Variants in RAP1GAP2 observed in about 807,000 individuals in gnomAD.
RAP1GAP2 encodes the protein RAP1 GTPase activating protein 2.
A neutral mutation model predicts 95.0 loss-of-function variants in RAP1GAP2; 27 were observed. That is an observed-to-expected ratio of 0.28 (90% CI 0.21 to 0.39). RAP1GAP2 has a LOEUF of 0.39. Ranked by LOEUF, RAP1GAP2 falls within the 10% of genes least tolerant of loss-of-function variation. The pLI, the probability that RAP1GAP2 is intolerant of heterozygous loss-of-function variation, is 1.00. For missense variants in RAP1GAP2, 771 were observed against 970.0 expected, an observed-to-expected ratio of 0.79 and a Z score of 2.72; for synonymous variants, 373 against 380.9, an observed-to-expected ratio of 0.98 and a Z score of 0.24.
chr17:2,983,138 C>T (rs2045430060), intron 10 of RAP1GAP2, among the ~76,000 whole-genome samples: 1 of 152,222 alleles, frequency 6.6e-6, no homozygotes, highest in Non-Finnish European at 1.5e-5. Flanking sequence ...TGTGTGGCAA[C>T]CTCACACAGG....
At chr17:2,814,217 G>A (rs1204138344) in intron 2 of RAP1GAP2, among the ~76,000 whole-genome samples, 1 of 152,128 alleles carries the variant, frequency 6.6e-6, no homozygotes, top group Non-Finnish European at 1.5e-5. Context: ...TACCAGCTGG[G>A]TGACCTTGGA....
At chr17:2,865,175 A>G (rs1411536486) in intron 2 of RAP1GAP2, among the ~76,000 whole-genome samples, 2 of 151,780 alleles carry the variant, frequency 1.3e-5, no homozygotes, top group African/African-American at 2.4e-5. Flanking sequence ...GGTACTTAAC[A>G]CCCCCGTGCT....
chr17:2,782,077 G>T (rs2068675454), intron 1 of RAP1GAP2, among the ~76,000 whole-genome samples: 1 of 152,218 alleles, frequency 6.6e-6, no homozygotes, highest in Non-Finnish European at 1.5e-5. Context: ...TGGATGGCAG[G>T]TGATACTTTT....
Position 3,008,746 on chromosome 17 carries a change from G to A in RAP1GAP2, c.1494+601G>A, listed in dbSNP as rs989248033. ...TTCAAGTGGAGCTCGGACGGCCCCC[G>A]AGCTGGCGTGTGGTAGAGGTTTTTC... On this transcript the variant is annotated intron_variant, in intron 17 of 24. Transcript: ENST00000254695. The surrounding 1 kb of genome is among the most constrained non-coding windows in gnomAD (Gnocchi z 4.2). Among the ~76,000 whole-genome samples, 2 of 152,188 alleles carry A rather than the reference G, an allele frequency of 1.3e-5. No individual in the cohort carries two copies. The highest frequency in any genetic ancestry group is 6.5e-5 in the Admixed American group (1 of 15,284).
chr17:2,832,298 C>T (rs1348272007), intron 2 of RAP1GAP2, among the ~76,000 whole-genome samples: 1 of 151,624 alleles, frequency 6.6e-6, no homozygotes, highest in African/African-American at 2.4e-5. Context: ...GTGGCTCATG[C>T]CTGTAATCCC....
At chr17:2,775,980 A>G (rs2068489759), upstream of RAP1GAP2, among the ~76,000 whole-genome samples, 1 of 152,176 alleles carries the variant, frequency 6.6e-6, no homozygotes. Context: ...GGAGTTTGAG[A>G]CCAGCCTGGC....
intron 8 of RAP1GAP2, among the ~76,000 whole-genome samples, chr17:2,978,997 T>TA (rs201886732): frequency 6.2e-4 from 87 of 139,944 alleles, no homozygotes; most frequent in Non-Finnish European, 9.3e-4. Context: ...GATAAATAAA[T>TA]AAAAAAAATA....
intron 2 of RAP1GAP2, among the ~76,000 whole-genome samples, chr17:2,808,748 G>C (rs549838531): frequency 6.6e-6 from 1 of 152,208 alleles, no homozygotes; most frequent in African/African-American, 2.4e-5. Context: ...ACTCTGGTTC[G>C]TTGATTTCTT....
intron 16 of RAP1GAP2, among the ~76,000 whole-genome samples, chr17:3,006,512 C>A (rs1339005127): frequency 6.7e-6 from 1 of 150,076 alleles, no homozygotes; most frequent in Non-Finnish European, 1.5e-5. Flanking sequence ...TGGCTCACTG[C>A]AAGCTCTGCC....
rs191667915 is a variant in RAP1GAP2 at position 2,805,479 on chromosome 17, C to T, written c.80+4929C>T. On this transcript the variant is annotated intron_variant, in intron 2 of 24. Coordinates refer to ENST00000254695, the MANE Select transcript of RAP1GAP2 (RefSeq NM_015085.5). Reference sequence around the variant, plus strand: ...CAAGCGATTCTCCCACCTCAGCTTCCCAAGTAGCTGGGATTACAGGTGTGC... The same window carrying T: ...CAAGCGATTCTCCCACCTCAGCTTCTCAAGTAGCTGGGATTACAGGTGTGC... Among the ~76,000 whole-genome samples the T allele has an allele frequency of 2.1e-3, 316 of 152,264 alleles. 1 individual carries two copies. The highest frequency in any genetic ancestry group is 3.1e-3 in the Non-Finnish European group (208 of 68,022).
intron 8 of RAP1GAP2, among the ~76,000 whole-genome samples, chr17:2,966,770 A>G (rs2151497481): frequency 6.6e-6 from 1 of 152,328 alleles, no homozygotes; most frequent in South Asian, 2.1e-4. Flanking sequence ...CTCCATCTCC[A>G]AATAGGATTT....
chr17:2,944,022 C>A (rs769922346), intron 3 of RAP1GAP2, among the ~76,000 whole-genome samples: 1 of 151,810 alleles, frequency 6.6e-6, no homozygotes, highest in South Asian at 2.1e-4. Context: ...TGGTGTCCGC[C>A]CCTGTAATCC....
chr17:2,977,154 A>G (rs547631389), intron 8 of RAP1GAP2, among the ~76,000 whole-genome samples: 1 of 152,054 alleles, frequency 6.6e-6, no homozygotes, highest in South Asian at 2.1e-4. Context: ...AAGAAAAGAA[A>G]AGATACAAAT....
chr17:2,913,624 T>C (rs1016968255), intron 3 of RAP1GAP2, among the ~76,000 whole-genome samples: 2 of 152,238 alleles, frequency 1.3e-5, no homozygotes, highest in South Asian at 4.1e-4. Context: ...TGCTTATGCT[T>C]CTGGAAGATT....
At chr17:2,969,484 A>G (rs1000872337) in intron 8 of RAP1GAP2, among the ~76,000 whole-genome samples, 102 of 145,810 alleles carry the variant, frequency 7.0e-4, no homozygotes, top group African/African-American at 2.6e-3. Context: ...AAGATGTGTA[A>G]ATATATATAT....
chr17:2,989,552 C>T (rs7213687), intron 11 of RAP1GAP2, among the ~76,000 whole-genome samples: 47,587 of 151,924 alleles, frequency 0.31, 7,588 homozygotes, highest in African/African-American at 0.34. Context: ...AGGCTGGTTT[C>T]GAACTCTGGA....
chr17:2,823,317 T>G (rs1381710530), intron 2 of RAP1GAP2, among the ~76,000 whole-genome samples: 1 of 152,120 alleles, frequency 6.6e-6, no homozygotes, highest in Non-Finnish European at 1.5e-5. Context: ...CCTAAGGGCC[T>G]CAGAATGAAC....
intron 4 of RAP1GAP2, among the ~76,000 whole-genome samples, chr17:2,961,252 C>G (rs1308146829): frequency 2.0e-5 from 3 of 149,288 alleles, no homozygotes; most frequent in Non-Finnish European, 4.4e-5. Context: ...CAGTGGCTCA[C>G]GCCTATAATC....
At position 2,816,666 on chromosome 17, in the gene RAP1GAP2, C is replaced by T. The variant is rs768466298; in HGVS notation, c.80+16116C>T. Among the ~76,000 whole-genome samples the T allele has an allele frequency of 2.7e-4, 16 of 59,190 alleles. 5 individuals carry two copies. The highest frequency in any genetic ancestry group is 7.5e-4 in the Non-Finnish European group (14 of 18,706). The allele number at this position is 59,190 out of a possible 152,430, so 38.8% of individuals were successfully genotyped here. On this transcript the variant is annotated intron_variant, in intron 2 of 24. Coordinates refer to ENST00000254695, the MANE Select transcript of RAP1GAP2 (RefSeq NM_015085.5). Reference sequence around the variant, plus strand: ...TAAAATATACATATTATAAAACTTACCATTTAAAGCATTTTTAAGTGCACC... The same window carrying T: ...TAAAATATACATATTATAAAACTTATCATTTAAAGCATTTTTAAGTGCACC...
Sources: gnomAD v4.1 joint callset for allele counts (sites outside exome capture counted in the v4.1 genomes callset) on GRCh38, gnomAD v4.1.1 for gene constraint, Gnocchi (gnomAD v3.1) non-coding constraint, MANE v1.5 for transcripts, NCBI Gene and HGNC (gene_info 2026-07-23, HGNC 2026-07-21) for gene names.